Variants in TMEM131 observed in about 807,000 individuals in gnomAD.
TMEM131 encodes the protein 2610524E03Rik.
TMEM131 carries 66 observed loss-of-function variants against 211.6 expected under a neutral mutation model. The observed-to-expected ratio is 0.31, with a 90% CI of 0.26 to 0.38. The LOEUF (loss-of-function observed/expected upper bound fraction) is 0.38, where lower values mean the gene tolerates loss of function less well. Ranked by LOEUF, TMEM131 falls within the 10% of genes least tolerant of loss-of-function variation. The pLI is 1.00. For missense variants in TMEM131, 2,036 were observed against 2,299.3 expected (o/e 0.89, Z 2.34); for synonymous variants, 844 against 841.3 (o/e 1.00, Z -0.06).
At chr2:97,921,960 T>A (rs1676758648) in intron 2 of TMEM131, among the ~76,000 whole-genome samples, 1 of 152,160 alleles carries the variant, frequency 6.6e-6, no homozygotes, top group Admixed American at 6.5e-5. Flanking sequence ...AACAACCACT[T>A]TGGAAAACTA....
intron 35 of TMEM131, chr2:97,763,083 T>G (rs905076592): frequency 6.6e-6 from 1 of 152,148 alleles, no homozygotes; most frequent in Non-Finnish European, 1.5e-5. Flanking sequence ...GCTACCTGGC[T>G]GGCCCCTCCT....
At chr2:97,877,247 G>A (rs1453338956) in intron 4 of TMEM131, among the ~76,000 whole-genome samples, 1 of 152,142 alleles carries the variant, frequency 6.6e-6, no homozygotes, top group Non-Finnish European at 1.5e-5. Flanking sequence ...TCATGGATAG[G>A]AAGAATCAAT....
intron 4 of TMEM131, among the ~76,000 whole-genome samples, chr2:97,883,204 G>T (rs1183832634): frequency 6.6e-6 from 1 of 152,194 alleles, no homozygotes; most frequent in Admixed American, 6.5e-5. Context: ...TCAGAGATTA[G>T]GTTTCAATGT....
chr2:97,757,492 CTTTG>C, intron 40 of TMEM131, 109 bp from the exon 41 acceptor site: 3 of 1,222,882 alleles, frequency 2.5e-6, no homozygotes, highest in Non-Finnish European at 2.3e-6. Context: ...ATTCCTCTTA[CTTTG>C]TTTACTTTAG....
chr2:97,798,048 C>T (rs1046432804), intron 25 of TMEM131, among the ~76,000 whole-genome samples: 7 of 152,210 alleles, frequency 4.6e-5, no homozygotes, highest in African/African-American at 1.4e-4. Context: ...CAGGCTGCAC[C>T]GAATGTTTAA....
At chr2:97,836,979 C>T (rs1328245023) in intron 8 of TMEM131, 98 bp downstream of exon 8, 9 of 882,326 alleles carry the variant, frequency 1.0e-5, no homozygotes, top group Admixed American at 2.2e-5. Flanking sequence ...AGAAGTCATC[C>T]ATATTTGTTA....
At chr2:97,977,050 T>C (rs552645738) in intron 1 of TMEM131, among the ~76,000 whole-genome samples, 130 of 150,196 alleles carry the variant, frequency 8.7e-4, no homozygotes, top group Non-Finnish European at 1.4e-3. Flanking sequence ...ATGAAAGACC[T>C]ACCACTATAA....
chr2:97,793,551 G>A lies in TMEM131; in HGVS notation c.3389C>T (p.Ala1130Val). The change falls in exon 30 of 41, where the codon GCA becomes GTA. Residue 1130 changes from alanine to valine, a missense_variant and splice_region_variant. Around this residue, in one of 3 missense-constraint regions of TMEM131, gnomAD observed 1,623 missense variants for 1,805.9 expected, o/e 0.90. Coordinates refer to ENST00000186436, the MANE Select transcript of TMEM131 (RefSeq NM_015348.2). ...TGTTCCAATGACCAAAAGAAACAGT[G>A]CACTGCAGGGGTAAAAAAAATTGGA... ...LYIIISGIMS[A>V]LFLLVIGTAY... 6.2e-7 allele frequency: 1 copy of A among 1,606,384 alleles called. No homozygotes were observed. Among genetic ancestry groups the A allele is most frequent in the East Asian group, 2.2e-5 (1 of 44,774 alleles).
intron 19 of TMEM131, among the ~76,000 whole-genome samples, chr2:97,806,099 C>T (rs1409900092): frequency 6.6e-6 from 1 of 152,182 alleles, no homozygotes; most frequent in African/African-American, 2.4e-5. Flanking sequence ...CCTGAAATCA[C>T]TGAATTCTAA....
intron 31 of TMEM131, among the ~76,000 whole-genome samples, chr2:97,791,281 C>T (rs556406593): frequency 1.3e-5 from 2 of 152,216 alleles, no homozygotes; most frequent in Admixed American, 6.5e-5. Context: ...TGCCCTTGCG[C>T]GGTTCTCTCT....
intron 2 of TMEM131, among the ~76,000 whole-genome samples, chr2:97,908,902 G>A (rs1408232711): frequency 6.6e-6 from 1 of 152,158 alleles, no homozygotes; most frequent in African/African-American, 2.4e-5. Context: ...GTAATGCGAT[G>A]GATTTTTAAA....
chr2:97,955,898 T>C (rs1678545859), intron 1 of TMEM131, among the ~76,000 whole-genome samples: 1 of 152,180 alleles, frequency 6.6e-6, no homozygotes, highest in African/African-American at 2.4e-5. Flanking sequence ...AGGAAAAATG[T>C]CAATTCTCCC....
chr2:97,939,623 T>G (rs2104484784), intron 1 of TMEM131, among the ~76,000 whole-genome samples: 1 of 152,326 alleles, frequency 6.6e-6, no homozygotes, highest in South Asian at 2.1e-4. Context: ...CCATTCCTTC[T>G]GAAACTATTG....
At chr2:97,856,748 C>T (rs1673863469) in intron 5 of TMEM131, among the ~76,000 whole-genome samples, 1 of 152,238 alleles carries the variant, frequency 6.6e-6, no homozygotes, top group South Asian at 2.1e-4. Flanking sequence ...GTTATTTCTT[C>T]CCCCAAGAGT....
intron 5 of TMEM131, among the ~76,000 whole-genome samples, chr2:97,855,496 T>A (rs2105160280): frequency 6.6e-6 from 1 of 152,274 alleles, no homozygotes; most frequent in South Asian, 2.1e-4. Flanking sequence ...GGCTAGGAGT[T>A]TGAGACCAGC....
chr2:97,879,146 C>T (rs943639151), intron 4 of TMEM131, among the ~76,000 whole-genome samples: 2 of 152,226 alleles, frequency 1.3e-5, no homozygotes, highest in Non-Finnish European at 2.9e-5. Flanking sequence ...GCTTGCTTTA[C>T]AACAGAGCTT....
chr2:97,950,342 C>T (rs1678251486), intron 1 of TMEM131, among the ~76,000 whole-genome samples: 1 of 152,134 alleles, frequency 6.6e-6, no homozygotes, highest in South Asian at 2.1e-4. Flanking sequence ...GATGTGTGTG[C>T]TCTACTGATT....
chr2:97,819,982 G>C (rs1465695279), intron 11 of TMEM131, among the ~76,000 whole-genome samples: 1 of 152,194 alleles, frequency 6.6e-6, no homozygotes, highest in Admixed American at 6.5e-5. Context: ...CTTGTGTGTG[G>C]GATCACAGGG....
intron 1 of TMEM131, among the ~76,000 whole-genome samples, chr2:97,993,715 T>C (rs538961727): frequency 3.4e-4 from 51 of 152,210 alleles, no homozygotes; most frequent in Non-Finnish European, 6.5e-4. Context: ...ATTCTCCTCA[T>C]CCAATCCTTA....
Sources: gnomAD v4.1 joint callset for allele counts (sites outside exome capture counted in the v4.1 genomes callset) on GRCh38, gnomAD v4.1.1 for gene constraint, gnomAD v4.1.1 regional missense constraint, MANE v1.5 for transcripts, NCBI Gene and HGNC (gene_info 2026-07-23, HGNC 2026-07-21) for gene names.